MGAT4C: variants seen among roughly 807,000 people sequenced by gnomAD.
MGAT4C encodes the protein alpha-1,3-mannosyl-glycoprotein 4-beta-N-acetylglucosaminyltransferase C.
Under a neutral mutation model 40.1 loss-of-function variants are expected in MGAT4C, and 19 were observed. The observed-to-expected ratio is 0.47, with a 90% CI of 0.33 to 0.70. The LOEUF is 0.70. Among genes scored for constraint, MGAT4C ranks in the 30% least tolerant of loss-of-function variants. The pLI, the probability that MGAT4C is intolerant of heterozygous loss-of-function variation, is 0.02. For synonymous variants in MGAT4C, 181 were observed against 187.1 expected (o/e 0.97, Z 0.27); for missense variants, 491 against 563.2 (o/e 0.87, Z 1.30).
At chr12:86,672,580 A>T (rs989757652) in intron 2 of MGAT4C, among the ~76,000 whole-genome samples, 1 of 152,126 alleles carries the variant, frequency 6.6e-6, no homozygotes, top group Non-Finnish European at 1.5e-5. Flanking sequence ...TCAGAGATGA[A>T]AAAGGAGACA....
At chr12:86,250,039 C>T (rs1489490668) in intron 1 of MGAT4C, among the ~76,000 whole-genome samples, 1 of 152,016 alleles carries the variant, frequency 6.6e-6, no homozygotes, top group Non-Finnish European at 1.5e-5. Flanking sequence ...GCTGGCATGC[C>T]ATAAGTGCTC....
intron 3 of MGAT4C, among the ~76,000 whole-genome samples, chr12:86,374,401 G>A (rs1371445255): frequency 1.3e-5 from 2 of 151,844 alleles, no homozygotes; most frequent in African/African-American, 2.4e-5. Context: ...ACATCTAATC[G>A]GTGTCAGGCA....
intron 1 of MGAT4C, among the ~76,000 whole-genome samples, chr12:86,743,115 C>CAT (rs1214305834): frequency 9.2e-6 from 1 of 109,248 alleles, no homozygotes; most frequent in East Asian, 3.0e-4. Flanking sequence ...TGTGTGTATG[C>CAT]ATGTGTGTGT....
intron 1 of MGAT4C, among the ~76,000 whole-genome samples, chr12:86,754,527 A>G (rs935606051): frequency 2.0e-5 from 3 of 152,162 alleles, no homozygotes; most frequent in African/African-American, 7.2e-5. Context: ...AATGCACACA[A>G]TCAGAATGGC....
intron 1 of MGAT4C, among the ~76,000 whole-genome samples, chr12:86,092,540 T>G (rs112838209): frequency 1.3e-5 from 2 of 152,136 alleles, no homozygotes; most frequent in Middle Eastern, 3.2e-3. Context: ...ATTGGAAATA[T>G]GAATATGCAA....
intron 1 of MGAT4C, among the ~76,000 whole-genome samples, chr12:86,083,867 A>G (rs1871281217): frequency 6.6e-6 from 1 of 152,104 alleles, no homozygotes; most frequent in East Asian, 1.9e-4. Context: ...AGGAATATTC[A>G]ACACCTGTCC....
chr12:86,338,978 A>AC (rs1392823746), intron 3 of MGAT4C, among the ~76,000 whole-genome samples: 1 of 151,246 alleles, frequency 6.6e-6, no homozygotes, highest in Admixed American at 6.6e-5. Context: ...AAAAAAAAAA[A>AC]AAAACAGAGA....
intron 2 of MGAT4C, among the ~76,000 whole-genome samples, chr12:86,467,613 A>G (rs570371736): frequency 6.6e-6 from 1 of 152,310 alleles, no homozygotes; most frequent in South Asian, 2.1e-4. Context: ...TAATTTAGAT[A>G]TATATTTATT....
intron 1 of MGAT4C, among the ~76,000 whole-genome samples, chr12:86,740,747 T>G (rs2136129857): frequency 6.6e-6 from 1 of 151,418 alleles, no homozygotes. Context: ...GTCTTATTCT[T>G]AATGACATTA....
intron 3 of MGAT4C, among the ~76,000 whole-genome samples, chr12:86,404,785 G>T (rs1299475898): frequency 6.6e-6 from 1 of 152,100 alleles, no homozygotes; most frequent in Non-Finnish European, 1.5e-5. Flanking sequence ...TATAAAAGAT[G>T]ATTGATCATC....
At chr12:86,606,391 C>T (rs887604288) in intron 2 of MGAT4C, among the ~76,000 whole-genome samples, 2 of 152,086 alleles carry the variant, frequency 1.3e-5, no homozygotes, top group Admixed American at 1.3e-4. Context: ...AATTATTTTG[C>T]TTTCATATCC....
chr12:86,785,774 A>G (rs1951920595), intron 1 of MGAT4C, among the ~76,000 whole-genome samples: 1 of 151,334 alleles, frequency 6.6e-6, no homozygotes, highest in Admixed American at 6.6e-5. Context: ...ATATATGTGT[A>G]TATGTATAAT....
intron 3 of MGAT4C, among the ~76,000 whole-genome samples, chr12:85,985,286 C>T (rs186312056): frequency 3.3e-5 from 5 of 152,220 alleles, no homozygotes; most frequent in South Asian, 2.1e-4. Flanking sequence ...ACTTCTACTT[C>T]GCATCAATCT....
rs189432625 is a variant in MGAT4C, at chr12:86,033,202, C to T, written c.-7+16472G>A. ...TAGTTTTAAGTTGGGTAATGTGATG[C>T]CTCCATCTTTGTTCTTTTTGCTTAG... is the stretch of plus-strand genomic sequence containing the variant. On this transcript the variant is annotated intron_variant, in intron 2 of 4. Transcript: ENST00000611864. Among the ~76,000 whole-genome samples, 97 of 149,732 alleles carry T rather than the reference C, an allele frequency of 6.5e-4. 11 individuals are homozygous for T. The highest frequency in any genetic ancestry group is 1.1e-3 in the Non-Finnish European group (75 of 66,664).
intron 3 of MGAT4C, among the ~76,000 whole-genome samples, chr12:86,414,495 T>C (rs1243802204): frequency 6.6e-6 from 1 of 152,146 alleles, no homozygotes; most frequent in African/African-American, 2.4e-5. Context: ...ATTGGTTACT[T>C]TTTATTGATT....
At chr12:86,179,719 A>C (rs1207959335) in intron 1 of MGAT4C, among the ~76,000 whole-genome samples, 1 of 152,194 alleles carries the variant, frequency 6.6e-6, no homozygotes, top group East Asian at 1.9e-4. Flanking sequence ...GGGATGATTT[A>C]GGGTATCTGG....
At chr12:86,200,701 A>C (rs569820596) in intron 1 of MGAT4C, among the ~76,000 whole-genome samples, 2 of 152,186 alleles carry the variant, frequency 1.3e-5, no homozygotes, top group African/African-American at 4.8e-5. Flanking sequence ...TTTTGCATAC[A>C]ATTTGTCAGA....
chr12:86,333,943 G>T (rs1217610395), intron 4 of MGAT4C: 1 of 152,008 alleles, frequency 6.6e-6, no homozygotes, highest in Non-Finnish European at 1.5e-5. Flanking sequence ...TTCCTTATAA[G>T]AATGCAGAAA....
intron 3 of MGAT4C, among the ~76,000 whole-genome samples, chr12:86,410,558 T>C (rs1320627301): frequency 6.6e-6 from 1 of 152,156 alleles, no homozygotes; most frequent in Non-Finnish European, 1.5e-5. Context: ...TCTGTTCGTT[T>C]TCAAGGTGCA....
Sources: gnomAD v4.1 joint callset for allele counts (sites outside exome capture counted in the v4.1 genomes callset) on GRCh38, gnomAD v4.1.1 for gene constraint, MANE v1.5 for transcripts, NCBI Gene and HGNC (gene_info 2026-07-23, HGNC 2026-07-21) for gene names.